The following KCTD16 variants were observed in gnomAD, a reference collection of about 807,000 sequenced individuals.
KCTD16 encodes potassium channel tetramerization domain containing 16, also known as BTB/POZ domain-containing protein KCTD16.
A neutral mutation model predicts 33.2 loss-of-function variants in KCTD16; 13 were observed. That is an observed-to-expected ratio of 0.39 (90% CI 0.25 to 0.62). The LOEUF is 0.62. Ranked by LOEUF, KCTD16 falls within the 20% of genes least tolerant of loss-of-function variation. The pLI is 0.50. For synonymous variants in KCTD16, 197 were observed against 195.3 expected (o/e 1.01, Z -0.07); for missense variants, 441 against 525.1 (o/e 0.84, Z 1.57).
At chr5:144,432,393 A>G (rs899814834) in intron 3 of KCTD16, among the ~76,000 whole-genome samples, 3 of 152,224 alleles carry the variant, frequency 2.0e-5, no homozygotes, top group African/African-American at 7.2e-5. Flanking sequence ...AAACAGATTC[A>G]GAGAAGTAAA....
intron 3 of KCTD16, among the ~76,000 whole-genome samples, chr5:144,246,264 G>A (rs1282353611): frequency 6.6e-6 from 1 of 152,064 alleles, no homozygotes; most frequent in Non-Finnish European, 1.5e-5. Flanking sequence ...TTGTTTGGGA[G>A]TGCATTATCA....
chr5:144,469,686 A>G (rs1393067145), intron 3 of KCTD16, among the ~76,000 whole-genome samples: 1 of 152,086 alleles, frequency 6.6e-6, no homozygotes, highest in Non-Finnish European at 1.5e-5. Context: ...GAAGTAATTT[A>G]TGTAAGGTCT....
At chr5:144,306,736 C>G (rs1335165310) in intron 3 of KCTD16, among the ~76,000 whole-genome samples, 3 of 152,196 alleles carry the variant, frequency 2.0e-5, no homozygotes, top group African/African-American at 7.2e-5. Flanking sequence ...CAAATCTTAC[C>G]TGCTAACTCT....
At chr5:144,320,784 A>G (rs182822504) in intron 3 of KCTD16, among the ~76,000 whole-genome samples, 89 of 150,188 alleles carry the variant, frequency 5.9e-4, no homozygotes, top group African/African-American at 2.0e-3. Context: ...CTTTTTCCAT[A>G]CTAGCTTTAG....
chr5:144,284,508 A>C (rs1755691100), intron 3 of KCTD16, among the ~76,000 whole-genome samples: 1 of 152,240 alleles, frequency 6.6e-6, no homozygotes, highest in African/African-American at 2.4e-5. Context: ...AATCCAGAGG[A>C]GGAAGTGAAT....
At chr5:144,322,939 T>C (rs1244352838) in intron 3 of KCTD16, among the ~76,000 whole-genome samples, 1 of 152,108 alleles carries the variant, frequency 6.6e-6, no homozygotes, top group African/African-American at 2.4e-5. Context: ...AATTTTAAAC[T>C]GACACAAAGG....
At chr5:144,371,092 T>C (rs1014246520) in intron 3 of KCTD16, among the ~76,000 whole-genome samples, 20 of 152,132 alleles carry the variant, frequency 1.3e-4, no homozygotes, top group Non-Finnish European at 2.2e-4. Flanking sequence ...TCCCTTTCGT[T>C]TGGTGACATG....
intron 3 of KCTD16, among the ~76,000 whole-genome samples, chr5:144,386,101 G>A (rs184124301): frequency 4.6e-5 from 7 of 152,270 alleles, no homozygotes; most frequent in Admixed American, 3.9e-4. Context: ...AAACAGATAC[G>A]TGTATTAGAT....
intron 3 of KCTD16, among the ~76,000 whole-genome samples, chr5:144,344,977 T>G (rs867148767): frequency 2.8e-4 from 43 of 151,484 alleles, no homozygotes; most frequent in African/African-American, 9.4e-4. Flanking sequence ...AATGATAGAC[T>G]GGATTAAGAA....
chr5:144,294,705 T>C (rs961219242), intron 3 of KCTD16, among the ~76,000 whole-genome samples: 5 of 152,194 alleles, frequency 3.3e-5, no homozygotes, highest in Non-Finnish European at 7.3e-5. Context: ...GGGACAGAAT[T>C]GAGTGGGCAG....
rs1752406325 is a variant in KCTD16 at position 144,389,632 on chromosome 5, C to T, written c.833-84028C>T. Among the ~76,000 whole-genome samples, 3 of 150,390 alleles carry T rather than the reference C, an allele frequency of 2.0e-5. No individual in the cohort carries two copies. In the South Asian group the frequency reaches 6.4e-4, roughly 32 times the overall value. ...AATAAGGGACTCAATAAATGCAACA[C>T]ACTTGAATCATCCTGAAACCATCCC... On this transcript the variant is annotated intron_variant, in intron 3 of 3. Transcript: ENST00000512467.
chr5:144,364,303 C>T (rs571488571), intron 3 of KCTD16, among the ~76,000 whole-genome samples: 11 of 152,192 alleles, frequency 7.2e-5, no homozygotes, highest in Admixed American at 2.6e-4. Context: ...AAAGGACACA[C>T]GCTAGAAAGG....
At chr5:144,178,567 T>A (rs1239071228) in intron 2 of KCTD16, among the ~76,000 whole-genome samples, 2 of 152,202 alleles carry the variant, frequency 1.3e-5, no homozygotes, top group African/African-American at 4.8e-5. Context: ...TTTTTATTAT[T>A]CTTCTGCAGT....
chr5:144,421,408 C>T (rs868176962), intron 3 of KCTD16, among the ~76,000 whole-genome samples: 1 of 152,074 alleles, frequency 6.6e-6, no homozygotes, highest in Non-Finnish European at 1.5e-5. Flanking sequence ...TATCTACTTG[C>T]ATGGGTTGAT....
chr5:144,312,540 T>G (rs1037347465), intron 3 of KCTD16, among the ~76,000 whole-genome samples: 1 of 152,214 alleles, frequency 6.6e-6, no homozygotes, highest in Non-Finnish European at 1.5e-5. Flanking sequence ...AGTAAAGTAG[T>G]TAAGTATATA....
At chr5:144,240,976 G>T (rs1274737121) in intron 3 of KCTD16, among the ~76,000 whole-genome samples, 1 of 152,108 alleles carries the variant, frequency 6.6e-6, no homozygotes, top group African/African-American at 2.4e-5. Flanking sequence ...AGTGAGCAAG[G>T]ATGGGATCGA....
chr5:144,247,262 A>T (rs1027796874), intron 3 of KCTD16, among the ~76,000 whole-genome samples: 1 of 152,198 alleles, frequency 6.6e-6, no homozygotes, highest in Admixed American at 6.5e-5. Context: ...AATGAAAGAC[A>T]TTGAAGCTTC....
chr5:144,353,038 G>GA (rs1222358581), intron 3 of KCTD16, among the ~76,000 whole-genome samples: 1 of 152,098 alleles, frequency 6.6e-6, no homozygotes, highest in Non-Finnish European at 1.5e-5. Context: ...ATCTAAATAG[G>GA]AACAGACCTG....
chr5:144,313,747 G>C (rs577716241), intron 3 of KCTD16, among the ~76,000 whole-genome samples: 16 of 152,006 alleles, frequency 1.1e-4, no homozygotes, highest in Non-Finnish European at 2.1e-4. Context: ...TATATACATG[G>C]GTAGTCAATC....
Sources: gnomAD v4.1 joint callset for allele counts (sites outside exome capture counted in the v4.1 genomes callset) on GRCh38, gnomAD v4.1.1 for gene constraint, MANE v1.5 for transcripts, NCBI Gene and HGNC (gene_info 2026-07-23, HGNC 2026-07-21) for gene names.